ABI3BP: variants seen among roughly 807,000 people sequenced by gnomAD.
The protein encoded by ABI3BP is target of Nesh-SH3.
In ABI3BP, 216 loss-of-function variants were observed where a neutral mutation model predicts 268.6. That is an observed-to-expected ratio of 0.80 (90% confidence interval 0.72 to 0.90). The LOEUF (loss-of-function observed/expected upper bound fraction) is 0.90. Ranked by LOEUF, ABI3BP falls within the 40% of genes least tolerant of loss-of-function variation. The pLI is 0.00. For missense variants in ABI3BP, 2,090 were observed against 2,182.4 expected, an observed-to-expected ratio of 0.96 and a Z score of 0.84; for synonymous variants, 730 against 730.0, an observed-to-expected ratio of 1.00 and a Z score of 0.00.
intron 14 of ABI3BP, 54 bp downstream of exon 14, chr3:100,862,257 G>A (rs2099006557): frequency 8.4e-7 from 1 of 1,186,742 alleles, no homozygotes; most frequent in South Asian, 1.4e-5. Context: ...AAAACAATAA[G>A]TTACTCAATA....
intron 62 of ABI3BP, among the ~76,000 whole-genome samples, chr3:100,768,773 A>G (rs2096430642): frequency 6.6e-6 from 1 of 152,238 alleles, no homozygotes; most frequent in South Asian, 2.1e-4. Flanking sequence ...AGTATCTAAA[A>G]TAAAGCTGGT....
In ABI3BP at chr3:100,874,883, A is replaced by C. The variant is rs1334002419; in HGVS notation, c.868T>G (p.Ser290Ala). The C allele has an allele frequency of 6.2e-7, 1 of 1,601,556 alleles. No homozygotes were observed. Among genetic ancestry groups the C allele is most frequent in the Non-Finnish European group, 8.5e-7 (1 of 1,173,186 alleles). The stretch of plus-strand genomic sequence containing the variant: ...GCATCTGAAATCTCAAACATTAGGG[A>C]TGCAGGAAGTTTTACAGTAGTTTCA... ...LNETTVKLPA[S>A]LMFEISDALK... The change falls in exon 9 of 68, where the codon TCC becomes GCC. Residue 290 changes from serine (S) to alanine (A), a missense_variant. Physicochemically the swap from Ser to Ala is moderately conservative, Grantham distance 99. Coordinates refer to ENST00000471714, the MANE Select transcript of ABI3BP (RefSeq NM_001375547.2).
At chr3:100,985,843 A>G (rs1441240442) in intron 1 of ABI3BP, among the ~76,000 whole-genome samples, 1 of 152,252 alleles carries the variant, frequency 6.6e-6, no homozygotes, top group Non-Finnish European at 1.5e-5. Flanking sequence ...TTAATTCTTT[A>G]GGAAGTTGAC....
chr3:100,837,082 G>C (rs1267052408), intron 27 of ABI3BP, 42 bp downstream of exon 27: 1 of 1,489,562 alleles, frequency 6.7e-7, no homozygotes, highest in Non-Finnish European at 9.0e-7. Flanking sequence ...AGAGGCGCAA[G>C]CTCAGAGAAA....
chr3:100,839,759 T>G, intron 23 of ABI3BP, 143 bp from the exon 24 acceptor site: 1 of 918,718 alleles, frequency 1.1e-6, no homozygotes, highest in South Asian at 1.5e-5. Context: ...CCCATTTTCC[T>G]TTCTCCTTGT....
rs367943264 is a variant in ABI3BP at position 100,876,623 on chromosome 3, C to T, written c.697-63G>A. ...GTGAATAACTTTCTGTTCTTTAAAA[C>T]GTTCGGAGAACTGGAAGTAGCCCTT... On this transcript the variant is annotated intron_variant, in intron 6 of 67. Transcript: ENST00000471714. 5.9e-5 allele frequency: 86 copies of T among 1,457,112 alleles called. 1 individual carries two copies. Among genetic ancestry groups the T allele is most frequent in the Admixed American group, 3.2e-4 (19 of 58,632 alleles). The allele number at this position is 1,457,112 out of a possible 1,614,324, so 90.3% of individuals were successfully genotyped here.
At chr3:100,845,753 G>A (rs917752821) in intron 20 of ABI3BP, among the ~76,000 whole-genome samples, 1 of 151,636 alleles carries the variant, frequency 6.6e-6, no homozygotes, top group African/African-American at 2.4e-5. Flanking sequence ...AAAACTCCAA[G>A]ATGTGGTCAT....
intron 1 of ABI3BP, among the ~76,000 whole-genome samples, chr3:100,956,071 C>T (rs1213387867): frequency 6.6e-6 from 1 of 151,726 alleles, no homozygotes; most frequent in Non-Finnish European, 1.5e-5. Context: ...ACCTGTAATC[C>T]CAGCTACTTG....
intron 1 of ABI3BP, among the ~76,000 whole-genome samples, chr3:100,954,692 A>G (rs1405215895): frequency 6.6e-6 from 1 of 152,174 alleles, no homozygotes; most frequent in African/African-American, 2.4e-5. Context: ...TACATCACAC[A>G]TGGATGATCT....
chr3:100,817,236 G>A (rs1427444503), intron 42 of ABI3BP, among the ~76,000 whole-genome samples, 200 bp downstream of exon 42: 3 of 152,160 alleles, frequency 2.0e-5, no homozygotes, highest in Non-Finnish European at 4.4e-5. Context: ...CTAGGTCCAT[G>A]CATAGCTTTT....
At chr3:100,824,442 C>T (rs1035938480) in intron 36 of ABI3BP, among the ~76,000 whole-genome samples, 6 of 152,146 alleles carry the variant, frequency 3.9e-5, no homozygotes, top group African/African-American at 7.2e-5. Flanking sequence ...TTCAACTCCA[C>T]GCTTTCTGCA....
intron 51 of ABI3BP, among the ~76,000 whole-genome samples, chr3:100,801,881 G>A (rs771399710): frequency 2.6e-4 from 39 of 152,054 alleles, no homozygotes; most frequent in Non-Finnish European, 4.4e-4. Context: ...AGTATAAATG[G>A]AAATAATTGT....
chr3:100,914,781 A>G (rs75210776), intron 2 of ABI3BP, among the ~76,000 whole-genome samples: 3,764 of 152,332 alleles, frequency 0.025, 80 homozygotes, highest in Non-Finnish European at 0.043. Context: ...TGGCTCTGCC[A>G]TAATTGATCA....
chr3:100,795,060 C>G lies in ABI3BP; in HGVS notation c.3866-57G>C, dbSNP rs2097304493. The G allele has an allele frequency of 4.5e-6, 5 of 1,104,178 alleles. No individual in the cohort carries two copies. The South Asian group carries it at 8.7e-5, about 19-fold the overall frequency. The allele number at this position is 1,104,178 out of a possible 1,614,324, so 68.4% of individuals were successfully genotyped here. On this transcript the variant is annotated intron_variant, in intron 53 of 67. Transcript: ENST00000471714. Reference sequence around the variant, plus strand: ...TTTTAGATTCAAAGCCAGCACCAGACCAGATTGGTATTACATGAAATTCCT... The same window carrying G: ...TTTTAGATTCAAAGCCAGCACCAGAGCAGATTGGTATTACATGAAATTCCT...
intron 33 of ABI3BP, among the ~76,000 whole-genome samples, chr3:100,828,924 A>G (rs2098436778): frequency 6.6e-6 from 1 of 152,036 alleles, no homozygotes; most frequent in African/African-American, 2.4e-5. Flanking sequence ...CCTAAAATCC[A>G]AACTCCTCAG....
intron 12 of ABI3BP, chr3:100,863,681 C>T (rs1302198649): frequency 4.3e-6 from 1 of 231,212 alleles, no homozygotes; most frequent in Non-Finnish European, 8.5e-6. Context: ...GCAGAAATAT[C>T]ATAAATATAT....
chr3:100,752,125 T>G (rs1207562434), intron 66 of ABI3BP, among the ~76,000 whole-genome samples: 2 of 152,250 alleles, frequency 1.3e-5, no homozygotes, highest in African/African-American at 2.4e-5. Context: ...TAACTAACTT[T>G]TTAGAGAGGC....
chr3:100,846,243 G>A, intron 20 of ABI3BP, 129 bp downstream of exon 20: 2 of 669,152 alleles, frequency 3.0e-6, no homozygotes, highest in Non-Finnish European at 2.5e-6. Context: ...TTCATTGCAT[G>A]CTTACACTTT....
chr3:100,883,617 G>A (rs141105061), intron 6 of ABI3BP, among the ~76,000 whole-genome samples: 31 of 152,140 alleles, frequency 2.0e-4, no homozygotes, highest in African/African-American at 7.5e-4. Context: ...ACAATTTAGC[G>A]ATGAAAATAT....
Sources: allele counts gnomAD v4.1 joint callset (sites outside exome capture counted in the v4.1 genomes callset), GRCh38; gene constraint gnomAD v4.1.1; transcripts MANE v1.5; gene names NCBI Gene and HGNC (gene_info 2026-07-23, HGNC 2026-07-21).